Variants in FAM13A observed in about 807,000 individuals in gnomAD.
FAM13A encodes the protein family with sequence similarity 13 member A.
Under a neutral mutation model 129.6 loss-of-function variants are expected in FAM13A, and 76 were observed. The observed-to-expected ratio is 0.59, with a 90% CI of 0.49 to 0.71. The LOEUF (loss-of-function observed/expected upper bound fraction) is 0.71, where lower values mean the gene tolerates loss of function less well. FAM13A is among the 30% of genes least tolerant of loss of function. The pLI is 0.00. For synonymous variants in FAM13A, 443 were observed against 449.9 expected (o/e 0.98, Z 0.20); for missense variants, 1,108 against 1,249.3 (o/e 0.89, Z 1.70).
rs564957350 is a variant in FAM13A, at chr4:88,836,107, C to T, written c.1007+14913G>A. ...AACACAATCCCATTGCTTCCATATC[C>T]AGTGTTTAACAAAATTCTATATTCT... On this transcript the variant is annotated intron_variant, in intron 7 of 23. Coordinates refer to ENST00000264344, the MANE Select transcript of FAM13A (RefSeq NM_014883.4). Among the ~76,000 whole-genome samples the T allele has an allele frequency of 4.6e-5, 7 of 152,126 alleles. No individual in the cohort carries two copies. In the East Asian group the frequency reaches 1.4e-3, roughly 29 times the overall value.
chr4:88,865,389 T>C (rs199665216), intron 6 of FAM13A, among the ~76,000 whole-genome samples: 1 of 152,212 alleles, frequency 6.6e-6, no homozygotes, highest in Non-Finnish European at 1.5e-5. Flanking sequence ...TAAAATAAAT[T>C]CATCTGCTTG....
chr4:88,824,460 G>C (rs1732621134), intron 7 of FAM13A, among the ~76,000 whole-genome samples: 1 of 152,054 alleles, frequency 6.6e-6, no homozygotes, highest in Admixed American at 6.6e-5. Flanking sequence ...CTGTGTTTAT[G>C]AAAATAGATT....
intron 19 of FAM13A, among the ~76,000 whole-genome samples, chr4:88,742,251 C>T (rs573419263): frequency 6.6e-6 from 1 of 152,352 alleles, no homozygotes; most frequent in South Asian, 2.1e-4. Context: ...TCCTTCCTTA[C>T]TCTTTGTTCA....
intron 3 of FAM13A, among the ~76,000 whole-genome samples, chr4:89,016,267 T>C (rs1180664238): frequency 6.6e-6 from 1 of 151,854 alleles, no homozygotes; most frequent in Non-Finnish European, 1.5e-5. Flanking sequence ...TAAAATTATA[T>C]GATGAAAACA....
At chr4:88,955,219 T>G (rs1757555370) in intron 4 of FAM13A, among the ~76,000 whole-genome samples, 1 of 152,124 alleles carries the variant, frequency 6.6e-6, no homozygotes, top group African/African-American at 2.4e-5. Context: ...TTAAATATCA[T>G]TATATTTATT....
chr4:88,818,675 C>T (rs1731267759), intron 7 of FAM13A, among the ~76,000 whole-genome samples: 5 of 152,162 alleles, frequency 3.3e-5, no homozygotes, highest in Admixed American at 2.6e-4. Context: ...AATTCAGACA[C>T]ACAACCCATA....
intron 4 of FAM13A, chr4:88,989,806 T>A (rs1165099872): frequency 6.6e-6 from 1 of 152,192 alleles, no homozygotes; most frequent in African/African-American, 2.4e-5. Flanking sequence ...CTGTGTTTAA[T>A]GCTTACTAAA....
chr4:88,885,486 T>C (rs1161329650), intron 6 of FAM13A, among the ~76,000 whole-genome samples: 1 of 152,170 alleles, frequency 6.6e-6, no homozygotes, highest in Non-Finnish European at 1.5e-5. Flanking sequence ...TCCTCATCTC[T>C]CACCTTTTAC....
At chr4:88,880,916 C>T (rs1003587320) in intron 6 of FAM13A, among the ~76,000 whole-genome samples, 11 of 151,912 alleles carry the variant, frequency 7.2e-5, no homozygotes, top group Non-Finnish European at 1.6e-4. Flanking sequence ...GCCATAATTC[C>T]CCTAGGAACA....
At chr4:88,884,189 A>G (rs748171013) in intron 6 of FAM13A, among the ~76,000 whole-genome samples, 7 of 143,742 alleles carry the variant, frequency 4.9e-5, no homozygotes, top group Non-Finnish European at 1.1e-4. Flanking sequence ...TACCAAAACC[A>G]GGAAAGGACA....
chr4:88,846,018 A>G (rs887383231), intron 7 of FAM13A, among the ~76,000 whole-genome samples: 2 of 152,232 alleles, frequency 1.3e-5, no homozygotes, highest in Non-Finnish European at 2.9e-5. Flanking sequence ...TTAGATAAAT[A>G]CTTGGCATAG....
chr4:88,876,232 T>C (rs1311450366), intron 6 of FAM13A, among the ~76,000 whole-genome samples: 2 of 152,074 alleles, frequency 1.3e-5, no homozygotes, highest in East Asian at 3.9e-4. Context: ...ATGGCACATG[T>C]ATACATATGT....
intron 4 of FAM13A, among the ~76,000 whole-genome samples, chr4:88,985,615 C>T (rs752596683): frequency 4.9e-4 from 74 of 152,220 alleles, no homozygotes; most frequent in Non-Finnish European, 7.8e-4. Context: ...GTAACACTGA[C>T]TCATCCTCTG....
intron 5 of FAM13A, among the ~76,000 whole-genome samples, chr4:88,913,403 AAGAAGT>A (rs1425984776): frequency 3.4e-5 from 5 of 148,514 alleles, no homozygotes; most frequent in Admixed American, 6.7e-5. Flanking sequence ...GACAAAGAAG[AAGAAGT>A]AGTAGAAGTA....
intron 7 of FAM13A, among the ~76,000 whole-genome samples, chr4:88,843,800 G>A (rs904689166): frequency 2.0e-5 from 3 of 152,196 alleles, no homozygotes; most frequent in Admixed American, 6.5e-5. Context: ...TACGAGCCTT[G>A]TAAAACAATG....
chr4:88,819,850 T>C (rs565992551), intron 7 of FAM13A, among the ~76,000 whole-genome samples: 1 of 152,310 alleles, frequency 6.6e-6, no homozygotes, highest in South Asian at 2.1e-4. Context: ...TGTTTAATTA[T>C]CTCAATAGAG....
chr4:88,847,468 T>G (rs1303391594), intron 7 of FAM13A, among the ~76,000 whole-genome samples: 1 of 152,244 alleles, frequency 6.6e-6, no homozygotes, highest in Non-Finnish European at 1.5e-5. Context: ...GGATAATATA[T>G]GCCAACCAGA....
At chr4:88,780,228 TG>T (rs1560970893) in intron 11 of FAM13A, among the ~76,000 whole-genome samples, 1 of 152,156 alleles carries the variant, frequency 6.6e-6, no homozygotes, top group Non-Finnish European at 1.5e-5. Context: ...ATTTTACTTA[TG>T]GAAAAATTAG....
At chr4:88,944,176 G>A (rs913716774) in intron 4 of FAM13A, among the ~76,000 whole-genome samples, 2 of 152,042 alleles carry the variant, frequency 1.3e-5, no homozygotes, top group African/African-American at 2.4e-5. Context: ...CATTCTGGGC[G>A]ACATAGTGAG....
Sources: allele counts gnomAD v4.1 joint callset (sites outside exome capture counted in the v4.1 genomes callset), GRCh38; gene constraint gnomAD v4.1.1; transcripts MANE v1.5; gene names NCBI Gene and HGNC (gene_info 2026-07-23, HGNC 2026-07-21).